RALGPS1: variants seen among roughly 807,000 people sequenced by gnomAD.
The protein encoded by RALGPS1 is ras-specific guanine nucleotide-releasing factor RalGPS1.
In RALGPS1, 19 loss-of-function variants were observed where a neutral mutation model predicts 78.8. The ratio of observed to expected loss-of-function variants is 0.24; its 90% CI spans 0.17 to 0.35. The LOEUF (loss-of-function observed/expected upper bound fraction) is 0.35, where lower values mean the gene tolerates loss of function less well. Among genes scored for constraint, RALGPS1 ranks in the 10% least tolerant of loss-of-function variants. The pLI is 1.00. For synonymous variants in RALGPS1, 228 were observed against 256.3 expected (o/e 0.89, Z 1.06); for missense variants, 454 against 688.3 (o/e 0.66, Z 3.81).
intron 5 of RALGPS1, among the ~76,000 whole-genome samples, chr9:127,047,002 A>C (rs1367154976): frequency 1.3e-5 from 2 of 151,636 alleles, no homozygotes; most frequent in Non-Finnish European, 2.9e-5. Context: ...AAAAAAAAAA[A>C]CTGATAGTAA....
intron 7 of RALGPS1, among the ~76,000 whole-genome samples, chr9:127,056,810 C>T (rs550841591): frequency 9.9e-5 from 15 of 152,150 alleles, no homozygotes; most frequent in Non-Finnish European, 2.2e-4. Context: ...ATGTGTTGTC[C>T]TGAGTTGCAT....
chr9:127,090,156 C>A (rs2052292322), intron 8 of RALGPS1, among the ~76,000 whole-genome samples: 1 of 152,170 alleles, frequency 6.6e-6, no homozygotes, highest in African/African-American at 2.4e-5. Flanking sequence ...CAGGGAGATC[C>A]TTGGGCACGC....
chr9:127,000,307 C>T (rs913671884), intron 4 of RALGPS1, among the ~76,000 whole-genome samples: 7 of 152,060 alleles, frequency 4.6e-5, no homozygotes, highest in African/African-American at 1.7e-4. Context: ...GCGCTTTCTT[C>T]ATTGCTAATG....
At chr9:127,120,602 T>A (rs1357643863) in intron 8 of RALGPS1, among the ~76,000 whole-genome samples, 1 of 152,170 alleles carries the variant, frequency 6.6e-6, no homozygotes, top group African/African-American at 2.4e-5. Flanking sequence ...GGTGGGCGGA[T>A]CACGAGGTCA....
chr9:126,915,263 C>G (rs2033998738), intron 1 of RALGPS1, among the ~76,000 whole-genome samples: 1 of 105,682 alleles, frequency 9.5e-6, no homozygotes, highest in Non-Finnish European at 1.9e-5. Flanking sequence ...GGGGAAGAGG[C>G]GCGGGCGCGG....
chr9:127,194,129 A>G (rs1234499154), intron 11 of RALGPS1, among the ~76,000 whole-genome samples: 1 of 152,210 alleles, frequency 6.6e-6, no homozygotes, highest in East Asian at 1.9e-4. Flanking sequence ...TTACCATAAT[A>G]AATTAAGTAT....
intron 8 of RALGPS1, chr9:127,108,156 G>T (rs2054418339): frequency 6.2e-7 from 1 of 1,614,020 alleles, no homozygotes; most frequent in Non-Finnish European, 8.5e-7. Flanking sequence ...TCTCTGATTG[G>T]TTGTGGGCCA....
intron 8 of RALGPS1, among the ~76,000 whole-genome samples, chr9:127,138,813 G>A (rs539284665): frequency 1.5e-4 from 23 of 152,180 alleles, no homozygotes; most frequent in Admixed American, 4.6e-4. Context: ...AAAGCCTGAT[G>A]TGACATCCAT....
intron 4 of RALGPS1, chr9:126,977,973 T>C (rs1400927628): frequency 2.4e-6 from 1 of 413,496 alleles, no homozygotes; most frequent in African/African-American, 2.1e-5. Flanking sequence ...TGGGAGCAGT[T>C]GGTACCCACA....
chr9:127,217,385 T>C (rs962247533), intron 18 of RALGPS1: 3 of 992,500 alleles, frequency 3.0e-6, no homozygotes, highest in South Asian at 4.6e-5. Context: ...TCACAGTACA[T>C]CCGTGTGATG....
At chr9:126,983,014 G>A (rs2041464048) in intron 4 of RALGPS1, among the ~76,000 whole-genome samples, 1 of 124,344 alleles carries the variant, frequency 8.0e-6, no homozygotes, top group Non-Finnish European at 1.6e-5. Context: ...TCGGCTCACT[G>A]AAATCTCTGC....
At chr9:126,980,411 A>G (rs774360264) in intron 4 of RALGPS1, among the ~76,000 whole-genome samples, 1 of 152,160 alleles carries the variant, frequency 6.6e-6, no homozygotes, top group Non-Finnish European at 1.5e-5. Context: ...GGAATTCTTT[A>G]AAAAAATTAC....
intron 4 of RALGPS1, among the ~76,000 whole-genome samples, chr9:127,032,368 C>T (rs987693814): frequency 1.2e-4 from 15 of 122,694 alleles, no homozygotes; most frequent in African/African-American, 2.4e-4. Context: ...TGCACATGTG[C>T]GTGTGCACAC....
At chr9:127,019,225 C>A (rs548360586) in intron 4 of RALGPS1, among the ~76,000 whole-genome samples, 1 of 152,280 alleles carries the variant, frequency 6.6e-6, no homozygotes, top group South Asian at 2.1e-4. Flanking sequence ...ATTTTCTGTG[C>A]TCTGTGGTTC....
intron 7 of RALGPS1, among the ~76,000 whole-genome samples, chr9:127,059,490 G>A (rs1008343094): frequency 4.6e-5 from 7 of 152,080 alleles, no homozygotes; most frequent in African/African-American, 1.7e-4. Context: ...CTCCCTTCTT[G>A]AAAAATCTCT....
At chr9:127,134,116 C>T (rs1451379700) in intron 8 of RALGPS1, among the ~76,000 whole-genome samples, 1 of 152,102 alleles carries the variant, frequency 6.6e-6, no homozygotes, top group African/African-American at 2.4e-5. Flanking sequence ...AGACAGCTGC[C>T]GGCTCCTGCC....
intron 8 of RALGPS1, among the ~76,000 whole-genome samples, chr9:127,096,629 C>G (rs1236897419): frequency 6.6e-6 from 1 of 152,196 alleles, no homozygotes; most frequent in African/African-American, 2.4e-5. Flanking sequence ...CCACCAAGGG[C>G]TCTTTTTAAA....
chr9:127,118,397 C>T (rs1243653593), intron 8 of RALGPS1, among the ~76,000 whole-genome samples: 1 of 152,192 alleles, frequency 6.6e-6, no homozygotes, highest in African/African-American at 2.4e-5. Flanking sequence ...GGCTGAATAA[C>T]TCTTCTATTT....
At chr9:126,976,422 A>T (rs566434516) in intron 3 of RALGPS1, among the ~76,000 whole-genome samples, 5 of 60,190 alleles carry the variant, frequency 8.3e-5, no homozygotes, top group South Asian at 1.1e-3. Flanking sequence ...CCATATACTC[A>T]CACACACACA....
Sources: gnomAD v4.1 joint callset for allele counts (sites outside exome capture counted in the v4.1 genomes callset) on GRCh38, gnomAD v4.1.1 for gene constraint, MANE v1.5 for transcripts, NCBI Gene and HGNC (gene_info 2026-07-23, HGNC 2026-07-21) for gene names.